Variants in KCNT2 observed in about 807,000 individuals in gnomAD.
KCNT2 encodes the protein potassium channel subfamily T member 2.
In KCNT2, 67 loss-of-function variants were observed where a neutral mutation model predicts 153.8. The ratio of observed to expected loss-of-function variants is 0.44; its 90% CI spans 0.36 to 0.53. KCNT2 has a LOEUF of 0.53. Among genes scored for constraint, KCNT2 ranks in the 20% least tolerant of loss-of-function variants. KCNT2 has a pLI of 0.00. For synonymous variants in KCNT2, 500 were observed against 458.8 expected, an observed-to-expected ratio of 1.09 and a Z score of -1.15; for missense variants, 975 against 1,354.8, an observed-to-expected ratio of 0.72 and a Z score of 4.40.
At chr1:196,443,042 C>T (rs904960448) in intron 8 of KCNT2, among the ~76,000 whole-genome samples, 1 of 151,476 alleles carries the variant, frequency 6.6e-6, no homozygotes, top group Non-Finnish European at 1.5e-5. Flanking sequence ...GATAGATTTG[C>T]AGGGTGTTTA....
chr1:196,269,732 T>C (rs1477282845), intron 25 of KCNT2, among the ~76,000 whole-genome samples: 1 of 152,046 alleles, frequency 6.6e-6, no homozygotes, highest in East Asian at 1.9e-4. Flanking sequence ...ATTGAGAAAA[T>C]GTTATTAGTT....
In KCNT2 at chr1:196,283,971, C is replaced by T. The variant is rs192456554; in HGVS notation, c.2698-1615G>A. ...TTAGGCTGAGCACAGTGGCTCACACCTGTAATCTCAGCACTTTGGGAGGCC... is the reference window on the plus strand; with the variant it reads ...TTAGGCTGAGCACAGTGGCTCACACTTGTAATCTCAGCACTTTGGGAGGCC... On this transcript the variant is annotated intron_variant, in intron 23 of 27. Transcript: ENST00000294725. Among the ~76,000 whole-genome samples, 9 of 151,568 alleles carry T rather than the reference C, an allele frequency of 5.9e-5. No individual in the cohort carries two copies. The East Asian group carries it at 1.8e-3, about 30-fold the overall frequency.
chr1:196,347,766 C>T (rs1234828884), intron 14 of KCNT2, among the ~76,000 whole-genome samples: 1 of 152,116 alleles, frequency 6.6e-6, no homozygotes, highest in African/African-American at 2.4e-5. Context: ...TTTAATTTGT[C>T]CTGAACAAGA....
chr1:196,331,155 C>T lies in KCNT2; in HGVS notation c.2103+1G>A. The T allele has an allele frequency of 6.5e-7, 1 of 1,531,410 alleles. No individual in the cohort carries two copies. The highest frequency in any genetic ancestry group is 1.1e-5 in the South Asian group (1 of 89,230). 94.9% of individuals were successfully genotyped at this position (1,531,410 alleles called of 1,614,324 possible). A position where few individuals can be genotyped will look rare whatever the true frequency, so the allele number is the denominator to read the frequency against. On this transcript the variant is annotated splice_donor_variant, in intron 18 of 27. Coordinates refer to ENST00000294725, the MANE Select transcript of KCNT2 (RefSeq NM_198503.5). LOFTEE classifies it high-confidence loss of function. ...ACAAAAAAGCATCAACAAGTACTTACCTTGTCTAATCTTAAGCAGCAAAAT... is the reference window on the plus strand; with the variant it reads ...ACAAAAAAGCATCAACAAGTACTTATCTTGTCTAATCTTAAGCAGCAAAAT...
chr1:196,373,315 A>G, intron 13 of KCNT2, 67 bp from the exon 14 acceptor site: 2 of 738,842 alleles, frequency 2.7e-6, no homozygotes, highest in Admixed American at 2.2e-5. Flanking sequence ...GTAAAAAATA[A>G]AACAAAATGA....
At chr1:196,527,398 A>G (rs77710568) in intron 1 of KCNT2, among the ~76,000 whole-genome samples, 1 of 152,120 alleles carries the variant, frequency 6.6e-6, no homozygotes. Flanking sequence ...TCATACTAAC[A>G]TGAAGTTAGG....
At chr1:196,393,568 T>C (rs1670664494) in intron 13 of KCNT2, among the ~76,000 whole-genome samples, 1 of 149,196 alleles carries the variant, frequency 6.7e-6, no homozygotes, top group Non-Finnish European at 1.5e-5. Context: ...AAAGTACATG[T>C]TTTTTCTTTT....
intron 22 of KCNT2, among the ~76,000 whole-genome samples, chr1:196,299,599 A>T (rs1326815085): frequency 1.3e-5 from 2 of 152,164 alleles, no homozygotes; most frequent in Non-Finnish European, 1.5e-5. Flanking sequence ...GACAAAAAAT[A>T]ACAAATGCTA....
chr1:196,540,564 A>T (rs1656216794), intron 1 of KCNT2, among the ~76,000 whole-genome samples: 2 of 152,206 alleles, frequency 1.3e-5, no homozygotes, highest in African/African-American at 4.8e-5. Context: ...AGAAACAACA[A>T]CAAAACTTTA....
intron 5 of KCNT2, among the ~76,000 whole-genome samples, chr1:196,478,443 T>C (rs552542720): frequency 6.6e-6 from 1 of 152,312 alleles, no homozygotes; most frequent in South Asian, 2.1e-4. Context: ...TAGACAAATA[T>C]ATTTATTATT....
chr1:196,247,623 A>C (rs1655571311), intron 26 of KCNT2, among the ~76,000 whole-genome samples: 1 of 152,170 alleles, frequency 6.6e-6, no homozygotes, highest in Non-Finnish European at 1.5e-5. Context: ...ATGAAGGAGA[A>C]GTGCTGAGCA....
chr1:196,345,876 T>G (rs1174373377), intron 14 of KCNT2, among the ~76,000 whole-genome samples: 1 of 152,112 alleles, frequency 6.6e-6, no homozygotes, highest in Non-Finnish European at 1.5e-5. Context: ...CAAGTCCCAG[T>G]GCTTACAAGA....
At chr1:196,243,926 AAGAG>A (rs1655186092) in intron 26 of KCNT2, among the ~76,000 whole-genome samples, 3 of 151,956 alleles carry the variant, frequency 2.0e-5, no homozygotes, top group Non-Finnish European at 1.5e-5. Flanking sequence ...TCACAGCTGC[AAGAG>A]AGGCTTCTCC....
chr1:196,231,783 C>T (rs970047813), intron 27 of KCNT2, among the ~76,000 whole-genome samples: 2 of 151,718 alleles, frequency 1.3e-5, no homozygotes, highest in Non-Finnish European at 2.9e-5. Flanking sequence ...AATGAATGAC[C>T]TTAAGTTTCA....
Position 196,595,610 on chromosome 1 carries a change from T to C in KCNT2, c.95+12605A>G, listed in dbSNP as rs113622970. On this transcript the variant is annotated intron_variant, in intron 1 of 27. Transcript: ENST00000294725. ...ATAAATCTAGATTACTTATAATAAC[T>C]AGTACAATGTAAATGCTACGTAAAT... Among the ~76,000 whole-genome samples, 257 of 152,300 alleles carry C rather than the reference T, an allele frequency of 1.7e-3. 2 individuals are homozygous for C. Among genetic ancestry groups the C allele is most frequent in the African/African-American group, 5.9e-3 (246 of 41,572 alleles).
chr1:196,340,565 C>G lies in KCNT2; in HGVS notation c.1559G>C (p.Gly520Ala). 1 of 1,526,944 alleles carries G rather than the reference C, an allele frequency of 6.5e-7. No individual in the cohort carries two copies. The highest frequency in any genetic ancestry group is 8.8e-7 in the Non-Finnish European group (1 of 1,137,926). 94.6% of individuals were successfully genotyped at this position (1,526,944 alleles called of 1,614,324 possible). The change falls in exon 16 of 28, where the codon GGC (glycine) becomes GCC (alanine). Residue 520 changes from glycine (G) to alanine (A), a missense_variant. Physicochemically the swap from Gly to Ala is moderately conservative, Grantham distance 60 (BLOSUM62 0). This residue lies in a region of KCNT2 where 325 missense variants were observed against 388.1 expected (regional missense o/e 0.84). Coordinates refer to ENST00000294725, the MANE Select transcript of KCNT2 (RefSeq NM_198503.5). The part of the protein sequence containing the change: ...YASFHAHKKF[G>A]VCLIGVRRED... ...CCTCCTAACACCAATCAAGCAGACG[C>G]CAAACCTTAATTTAAAAAAAAAGAG...
chr1:196,587,868 T>A (rs542101524), intron 1 of KCNT2, among the ~76,000 whole-genome samples: 1 of 152,100 alleles, frequency 6.6e-6, no homozygotes, highest in South Asian at 2.1e-4. Context: ...CAGTTCAAAT[T>A]ATCCTGCTTA....
intron 1 of KCNT2, among the ~76,000 whole-genome samples, chr1:196,526,538 C>T (rs1297977069): frequency 6.6e-6 from 1 of 151,662 alleles, no homozygotes; most frequent in Admixed American, 6.6e-5. Flanking sequence ...ACTACAACCT[C>T]CGCCTCCCAG....
chr1:196,599,132 A>T (rs919126807), intron 1 of KCNT2, among the ~76,000 whole-genome samples: 6 of 152,202 alleles, frequency 3.9e-5, no homozygotes, highest in African/African-American at 1.4e-4. Flanking sequence ...ACCCTATCTG[A>T]TCCCTAGGGG....
Sources: allele counts gnomAD v4.1 joint callset (sites outside exome capture counted in the v4.1 genomes callset), GRCh38; gene constraint gnomAD v4.1.1; regional missense constraint gnomAD v4.1.1; transcripts MANE v1.5; gene names NCBI Gene and HGNC (gene_info 2026-07-23, HGNC 2026-07-21).